GLRA3: variants seen among roughly 807,000 people sequenced by gnomAD.
The protein encoded by GLRA3 is glycine receptor alpha 3, also known as glycine receptor subunit alpha-3.
In GLRA3, 44 loss-of-function variants were observed where a neutral mutation model predicts 60.4. The observed-to-expected ratio is 0.73, with a 90% CI of 0.57 to 0.94. The LOEUF (loss-of-function observed/expected upper bound fraction) is 0.94, where lower values mean the gene tolerates loss of function less well. Among genes scored for constraint, GLRA3 ranks in the 40% least tolerant of loss-of-function variants. The pLI is 0.00. For missense variants in GLRA3, 508 were observed against 564.6 expected, an observed-to-expected ratio of 0.90 and a Z score of 1.02; for synonymous variants, 223 against 192.9, an observed-to-expected ratio of 1.16 and a Z score of -1.29.
chr4:174,776,266 A>G (rs1007684123), intron 2 of GLRA3, among the ~76,000 whole-genome samples: 1 of 152,146 alleles, frequency 6.6e-6, no homozygotes, highest in Non-Finnish European at 1.5e-5. Context: ...ACTCACCTAA[A>G]GCAAAGCTCT....
intron 1 of GLRA3, among the ~76,000 whole-genome samples, chr4:174,790,610 C>G (rs2111308833): frequency 6.6e-6 from 1 of 151,932 alleles, no homozygotes; most frequent in South Asian, 2.1e-4. Context: ...AAATAAACTT[C>G]TACCTCCTCC....
At chr4:174,741,843 A>G (rs1178653725) in intron 3 of GLRA3, among the ~76,000 whole-genome samples, 1 of 152,150 alleles carries the variant, frequency 6.6e-6, no homozygotes, top group Non-Finnish European at 1.5e-5. Flanking sequence ...TTTGTTGAAA[A>G]GATTAGAATG....
chr4:174,714,200 C>A (rs530609556), intron 5 of GLRA3, among the ~76,000 whole-genome samples: 1 of 152,124 alleles, frequency 6.6e-6, no homozygotes, highest in South Asian at 2.1e-4. Context: ...ATTTTCTTGC[C>A]CCTTATATGT....
chr4:174,702,929 A>C (rs975240440), intron 5 of GLRA3, among the ~76,000 whole-genome samples: 1 of 152,180 alleles, frequency 6.6e-6, no homozygotes, highest in Non-Finnish European at 1.5e-5. Context: ...TATAATTACA[A>C]TTTCTAATCA....
chr4:174,781,227 C>A (rs535308966), intron 2 of GLRA3, among the ~76,000 whole-genome samples: 1 of 151,414 alleles, frequency 6.6e-6, no homozygotes, highest in Non-Finnish European at 1.5e-5. Context: ...GGGTACATAA[C>A]GAAATGAAGG....
At chr4:174,725,413 C>T (rs1736285426) in intron 4 of GLRA3, among the ~76,000 whole-genome samples, 1 of 152,184 alleles carries the variant, frequency 6.6e-6, no homozygotes, top group Non-Finnish European at 1.5e-5. Flanking sequence ...TTGTTTCAAG[C>T]ATATTTGTAA....
chr4:174,699,633 T>A (rs1452617847), intron 5 of GLRA3, among the ~76,000 whole-genome samples: 1 of 152,122 alleles, frequency 6.6e-6, no homozygotes. Context: ...ATGTGGTATA[T>A]CTTTTGGATG....
chr4:174,795,305 C>G (rs1401124490), intron 1 of GLRA3, among the ~76,000 whole-genome samples: 1 of 151,860 alleles, frequency 6.6e-6, no homozygotes, highest in African/African-American at 2.4e-5. Flanking sequence ...TCTCTGAAAA[C>G]AGTTATATAT....
At chr4:174,686,525 T>C (rs1734558611) in intron 5 of GLRA3, among the ~76,000 whole-genome samples, 1 of 152,206 alleles carries the variant, frequency 6.6e-6, no homozygotes, top group Admixed American at 6.5e-5. Flanking sequence ...CAAACGCTTG[T>C]TTTACCAAAT....
intron 4 of GLRA3, among the ~76,000 whole-genome samples, chr4:174,719,801 T>A (rs1309598728): frequency 6.6e-6 from 1 of 152,182 alleles, no homozygotes; most frequent in Non-Finnish European, 1.5e-5. Context: ...AAGAAAAACA[T>A]ACACAATTAA....
Position 174,643,008 on chromosome 4 carries a change from G to C in GLRA3, c.*778C>G. 2.2e-6 allele frequency: 2 copies of C among 921,090 alleles called. No individual in the cohort carries two copies. The highest frequency in any genetic ancestry group is 2.6e-6 in the Non-Finnish European group (2 of 772,032). 57.1% of individuals were successfully genotyped at this position (921,090 alleles called of 1,614,324 possible). On this transcript the variant is annotated 3_prime_UTR_variant, in exon 10 of 10. Transcript: ENST00000274093. The stretch of plus-strand genomic sequence containing the variant: ...CTAACAAAAACAAGGGTGCTGGCTT[G>C]AATTGTTCAATGTTTGGCAATAACT...
chr4:174,666,628 T>C (rs1403166044), intron 7 of GLRA3, among the ~76,000 whole-genome samples: 1 of 151,412 alleles, frequency 6.6e-6, no homozygotes, highest in East Asian at 1.9e-4. Flanking sequence ...ATAAGCACCA[T>C]ATGGTCTGTA....
chr4:174,770,464 G>GCT (rs1285697441), intron 2 of GLRA3, among the ~76,000 whole-genome samples: 5 of 152,104 alleles, frequency 3.3e-5, no homozygotes, highest in Non-Finnish European at 7.4e-5. Context: ...ACAGAGAGAG[G>GCT]AGTCAGGGCT....
chr4:174,776,472 G>A (rs6825415), intron 2 of GLRA3, among the ~76,000 whole-genome samples: 111,421 of 151,850 alleles, frequency 0.73, 41,159 homozygotes, highest in East Asian at 0.99. Context: ...GCAGGAAGAA[G>A]CAACAAATCA....
intron 3 of GLRA3, among the ~76,000 whole-genome samples, chr4:174,731,560 T>G (rs1462711279): frequency 6.6e-6 from 1 of 152,164 alleles, no homozygotes; most frequent in Non-Finnish European, 1.5e-5. Context: ...GGTAAAATTT[T>G]TTAAAAGAAA....
chr4:174,732,088 GGCTTAT>G (rs1253030089), intron 3 of GLRA3, among the ~76,000 whole-genome samples: 5 of 152,348 alleles, frequency 3.3e-5, no homozygotes, highest in Non-Finnish European at 1.5e-5. Flanking sequence ...CAGGTGCAGT[GGCTTAT>G]GCCTTTAATC....
intron 3 of GLRA3, among the ~76,000 whole-genome samples, chr4:174,731,674 G>A (rs562459951): frequency 6.6e-6 from 1 of 152,252 alleles, no homozygotes; most frequent in African/African-American, 2.4e-5. Flanking sequence ...TCAGAATTAA[G>A]AAATTCTGTT....
intron 7 of GLRA3, among the ~76,000 whole-genome samples, chr4:174,671,944 C>T (rs1456392115): frequency 6.6e-6 from 1 of 152,052 alleles, no homozygotes; most frequent in East Asian, 1.9e-4. Context: ...AGCCACCGTG[C>T]CCAGACGCTA....
intron 5 of GLRA3, among the ~76,000 whole-genome samples, chr4:174,700,473 C>T (rs952016883): frequency 6.6e-6 from 1 of 152,038 alleles, no homozygotes; most frequent in Non-Finnish European, 1.5e-5. Flanking sequence ...TACAAACTAC[C>T]TCCCTATATG....
Sources: allele counts gnomAD v4.1 joint callset (sites outside exome capture counted in the v4.1 genomes callset), GRCh38; gene constraint gnomAD v4.1.1; transcripts MANE v1.5; gene names NCBI Gene and HGNC (gene_info 2026-07-23, HGNC 2026-07-21).